The following BDKRB2 variants were observed in gnomAD, a reference collection of about 807,000 sequenced individuals.
The protein encoded by BDKRB2 is B2 bradykinin receptor.
A neutral mutation model predicts 4.0 loss-of-function variants in BDKRB2; 6 were observed. The observed-to-expected ratio is 1.49, with a 90% CI of 0.81 to 2.93. BDKRB2 has a LOEUF of 2.93. BDKRB2 is among the 30% of genes most tolerant of loss of function. BDKRB2 has a pLI of 0.00. For synonymous variants in BDKRB2, 225 were observed against 215.3 expected, an observed-to-expected ratio of 1.05 and a Z score of -0.40; for missense variants, 478 against 520.1, an observed-to-expected ratio of 0.92 and a Z score of 0.79.
At chr14:96,225,457 ATT>A (rs34135987) in intron 1 of BDKRB2, among the ~76,000 whole-genome samples, 1 of 150,014 alleles carries the variant, frequency 6.7e-6, no homozygotes, top group Non-Finnish European at 1.5e-5. Flanking sequence ...TGATATCCTA[ATT>A]TTTTTTTTGG....
chr14:96,205,419 T>G (rs1367857462), intron 1 of BDKRB2, among the ~76,000 whole-genome samples: 4 of 151,282 alleles, frequency 2.6e-5, no homozygotes, highest in Admixed American at 6.6e-5. Context: ...GAGCCTCAGT[T>G]TCTCTGTCTG....
rs146598357 is a variant in BDKRB2 at position 96,234,567 on chromosome 14, C to T, written c.-39-2502C>T. ...ACAGCAGCTCCCTGACAGGGATCCT[C>T]ACCCAGGGCACGCCTCTAGAGCAGA... On this transcript the variant is annotated intron_variant, in intron 1 of 2. Coordinates refer to ENST00000554311, the MANE Select transcript of BDKRB2 (RefSeq NM_001379692.1). Among the ~76,000 whole-genome samples, 6 of 152,354 alleles carry T rather than the reference C, an allele frequency of 3.9e-5. No individual in the cohort carries two copies. The East Asian group carries it at 9.6e-4, about 25-fold the overall frequency.
chr14:96,233,064 T>A (rs935791906), intron 1 of BDKRB2, among the ~76,000 whole-genome samples: 2 of 152,198 alleles, frequency 1.3e-5, no homozygotes, highest in African/African-American at 4.8e-5. Flanking sequence ...TCTCGCTCTA[T>A]AGCCCAGGCT....
rs181005956 is a variant in BDKRB2, at chr14:96,216,966, G to A, written c.-40+12007G>A. ...GTGAGGGGCTGTGGCATTGAGTGGG[G>A]TAGCTATACATAGCCCTAGGGCTTA... On this transcript the variant is annotated intron_variant, in intron 1 of 2. Transcript: ENST00000554311. Among the ~76,000 whole-genome samples, 155 of 152,302 alleles carry A rather than the reference G, an allele frequency of 1.0e-3. 1 individual carries two copies. The highest frequency in any genetic ancestry group is 2.0e-3 in the Non-Finnish European group (133 of 68,016).
intron 1 of BDKRB2, among the ~76,000 whole-genome samples, chr14:96,214,385 A>G (rs1481522949): frequency 6.6e-6 from 1 of 152,206 alleles, no homozygotes; most frequent in East Asian, 1.9e-4. Context: ...GGGAACCAAC[A>G]GGAAGGATTC....
At chr14:96,230,450 A>G (rs1401441996) in intron 1 of BDKRB2, among the ~76,000 whole-genome samples, 1 of 152,192 alleles carries the variant, frequency 6.6e-6, no homozygotes, top group Admixed American at 6.5e-5. Flanking sequence ...GCTGGAGTGC[A>G]ACGGTGCGAT....
At chr14:96,215,901 G>A (rs377008883) in intron 1 of BDKRB2, among the ~76,000 whole-genome samples, 6 of 152,304 alleles carry the variant, frequency 3.9e-5, no homozygotes, top group Non-Finnish European at 7.4e-5. Context: ...ACTCAGAGAG[G>A]TTAAGGGCAC....
chr14:96,226,814 C>T (rs931279888), intron 1 of BDKRB2, among the ~76,000 whole-genome samples: 5 of 152,192 alleles, frequency 3.3e-5, no homozygotes, highest in Admixed American at 6.5e-5. Context: ...TTTCCAAGAG[C>T]CCTTCCCACA....
At chr14:96,238,893 T>C (rs1269296486) in intron 2 of BDKRB2, 2 of 986,442 alleles carry the variant, frequency 2.0e-6, no homozygotes, top group East Asian at 1.1e-4. Flanking sequence ...GGCCGGGTGG[T>C]GTCTTCTTTG....
rs146288764 is a variant in BDKRB2, at chr14:96,243,843, GAA to G, written c.*2351_*2352del. 3.2e-3 allele frequency: 649 copies of G among 200,622 alleles called. No homozygotes were observed. The highest frequency in any genetic ancestry group is 0.012 in the Middle Eastern group (7 of 596). The allele number at this position is 200,622 out of a possible 1,614,324, so 12.4% of individuals were successfully genotyped here. ...TCAAACTGTGCCACACATGGTGAAT[GAA>G]AAAAAAAAAAAGAGGCTGTGTTTTG... On this transcript the variant is annotated 3_prime_UTR_variant, in exon 3 of 3. Coordinates refer to ENST00000554311, the MANE Select transcript of BDKRB2 (RefSeq NM_001379692.1).
At chr14:96,223,504 C>T (rs1327507181) in intron 1 of BDKRB2, among the ~76,000 whole-genome samples, 1 of 152,094 alleles carries the variant, frequency 6.6e-6, no homozygotes, top group Non-Finnish European at 1.5e-5. Flanking sequence ...TGCTTTGCTT[C>T]TTGAGTAGAG....
rs201216188 is a variant in BDKRB2, at chr14:96,237,170, G to A, written c.63G>A (p.Thr21=). The A allele has an allele frequency of 7.4e-6, 12 of 1,613,480 alleles. No homozygotes were observed. Among genetic ancestry groups the A allele is most frequent in the East Asian group, 4.5e-5 (2 of 44,892 alleles). The part of the protein sequence containing the change: ...LSVREDSVPT[T]ASFSADMLNV... ...TTCGTGAGGACTCCGTGCCCACCAC[G>A]GCCTCTTTCAGGTGAGTCAAAGGGA... The change falls in exon 2 of 3, where the codon ACG becomes ACA. Residue 21 remains threonine (T), a synonymous_variant. Transcript: ENST00000554311.
intron 1 of BDKRB2, among the ~76,000 whole-genome samples, chr14:96,233,149 C>G (rs1251990303): frequency 6.6e-6 from 1 of 152,178 alleles, no homozygotes; most frequent in Non-Finnish European, 1.5e-5. Flanking sequence ...ACCTCAGCCT[C>G]CCAGGTAGTT....
At chr14:96,220,651 A>G (rs182103556) in intron 1 of BDKRB2, among the ~76,000 whole-genome samples, 1 of 101,744 alleles carries the variant, frequency 9.8e-6, no homozygotes, top group East Asian at 3.3e-4. Flanking sequence ...TCTGGAATCC[A>G]TCCCTTTTCC....
intron 1 of BDKRB2, among the ~76,000 whole-genome samples, chr14:96,217,532 T>C (rs1890452940): frequency 6.6e-6 from 1 of 152,234 alleles, no homozygotes; most frequent in Admixed American, 6.5e-5. Context: ...CTGTCCCAGA[T>C]GGACGCTGGC....
In BDKRB2 at chr14:96,243,512, T is replaced by G. The variant is rs181901959; in HGVS notation, c.*2008T>G. The G allele has an allele frequency of 6.9e-5, 10 of 145,110 alleles. No homozygotes were observed. The highest frequency in any genetic ancestry group is 2.6e-4 in the African/African-American group (10 of 38,608). The allele number at this position is 145,110 out of a possible 1,614,324, so 9.0% of individuals were successfully genotyped here. A position where few individuals can be genotyped will look rare whatever the true frequency, so the allele number is the denominator to read the frequency against. On this transcript the variant is annotated 3_prime_UTR_variant, in exon 3 of 3. Transcript: ENST00000554311. ...TAGAACCTGGAAGGGCTAGAACCTG[T>G]AGAGCTAGAACATGGAGAGCTAGAA...
At chr14:96,233,058 G>A (rs1451060716) in intron 1 of BDKRB2, among the ~76,000 whole-genome samples, 21 of 151,762 alleles carry the variant, frequency 1.4e-4, no homozygotes, top group Admixed American at 1.2e-3. Flanking sequence ...ACAGAGTCTC[G>A]CTCTATAGCC....
chr14:96,207,472 G>A (rs1315319932), intron 1 of BDKRB2, among the ~76,000 whole-genome samples: 1 of 152,176 alleles, frequency 6.6e-6, no homozygotes, highest in African/African-American at 2.4e-5. Context: ...AGGAGAGAAT[G>A]GGAGGAGCCC....
At chr14:96,237,271 G>A (rs541665562) in intron 2 of BDKRB2, 90 bp downstream of exon 2, 40 of 1,225,460 alleles carry the variant, frequency 3.3e-5, no homozygotes, top group Admixed American at 2.9e-4. Flanking sequence ...CTCATGCCCC[G>A]GACAACAGTT....
Sources: allele counts gnomAD v4.1 joint callset (sites outside exome capture counted in the v4.1 genomes callset), GRCh38; gene constraint gnomAD v4.1.1; transcripts MANE v1.5; gene names NCBI Gene and HGNC (gene_info 2026-07-23, HGNC 2026-07-21).